The following MAGT1 variants were observed in gnomAD, a reference collection of about 807,000 sequenced individuals.
MAGT1 encodes magnesium transporter 1.
Under a neutral mutation model 28.4 loss-of-function variants are expected in MAGT1, and 4 were observed. That is an observed-to-expected ratio of 0.14 (90% confidence interval 0.07 to 0.32). MAGT1 has a LOEUF of 0.32. MAGT1 is among the 10% of genes least tolerant of loss of function. The probability of loss-of-function intolerance (pLI) is 1.00; values close to 1 mark genes in which losing one functional copy is unlikely to be tolerated. For missense variants in MAGT1, 193 were observed against 264.5 expected (o/e 0.73, Z 1.88); for synonymous variants, 89 against 89.7 (o/e 0.99, Z 0.04).
intron 1 of MAGT1, among the ~76,000 whole-genome samples, chrX:77,875,975 C>T (rs907991627): frequency 3.8e-5 from 4 of 106,386 alleles, no homozygotes; most frequent in Admixed American, 1.0e-4. Flanking sequence ...GGAATACACA[C>T]GTGTTCCACC....
At chrX:77,868,834 T>A (rs2077013645) in intron 3 of MAGT1, among the ~76,000 whole-genome samples, 1 of 110,238 alleles carries the variant, frequency 9.1e-6, no homozygotes, top group Non-Finnish European at 1.9e-5. Flanking sequence ...AAACAAAAAA[T>A]AGTTGTGAGA....
intron 8 of MAGT1, among the ~76,000 whole-genome samples, chrX:77,835,816 A>G (rs1271022167): frequency 9.0e-6 from 1 of 110,841 alleles, no homozygotes; most frequent in Non-Finnish European, 1.9e-5. Flanking sequence ...CATTATTATT[A>G]TTGTTGAGAT....
chrX:77,879,103 C>A (rs2077044069), intron 1 of MAGT1, among the ~76,000 whole-genome samples: 1 of 111,498 alleles, frequency 9.0e-6, no homozygotes, highest in Non-Finnish European at 1.9e-5. Flanking sequence ...GTCACCCAGA[C>A]TAGAGTGCAG....
intron 7 of MAGT1, among the ~76,000 whole-genome samples, chrX:77,843,969 G>C (rs1452131361): frequency 3.6e-5 from 4 of 111,841 alleles, no homozygotes; most frequent in Non-Finnish European, 7.5e-5. Context: ...CATAAAATGA[G>C]TCAAGGAGGA....
intron 1 of MAGT1, among the ~76,000 whole-genome samples, chrX:77,880,928 A>G (rs1424869213): frequency 1.0e-5 from 1 of 98,118 alleles, no homozygotes; most frequent in Non-Finnish European, 2.0e-5. Context: ...ACTGTACTCC[A>G]GCCTGGGCAA....
chrX:77,878,465 T>C (rs1603363995), intron 1 of MAGT1, among the ~76,000 whole-genome samples: 1 of 68,197 alleles, frequency 1.5e-5, no homozygotes, highest in Admixed American at 2.1e-4. Flanking sequence ...AGAGTAAGAC[T>C]CTGTCTCCAA....
rs567953931 is a variant in MAGT1, at chrX:77,847,712, G to T, written c.826+6189C>A. Reference sequence around the variant, plus strand: ...TGCAACCTCTGCCTCCCGGGTTCAAGAAATTCTCCTGCCTCCGTCTCCTGA... The same window carrying T: ...TGCAACCTCTGCCTCCCGGGTTCAATAAATTCTCCTGCCTCCGTCTCCTGA... On this transcript the variant is annotated intron_variant, in intron 7 of 9. Coordinates refer to ENST00000618282, the MANE Select transcript of MAGT1 (RefSeq NM_001367916.1). 5.6e-5 allele frequency among the ~76,000 whole-genome samples: 6 copies of T among 106,699 alleles called. No individual in the cohort carries two copies. In the South Asian group the frequency reaches 2.5e-3, roughly 45 times the overall value. The allele number at this position is 106,699 out of a possible 115,157, so 92.7% of individuals were successfully genotyped here.
At chrX:77,890,757 T>A (rs1224687272) in intron 1 of MAGT1, among the ~76,000 whole-genome samples, 3 of 111,925 alleles carry the variant, frequency 2.7e-5, no homozygotes, top group African/African-American at 9.7e-5. Context: ...ACATCCCTCA[T>A]CTCATTTAAT....
chrX:77,855,655 G>T, intron 5 of MAGT1, 65 bp from the exon 6 acceptor site: 1 of 856,438 alleles, frequency 1.2e-6, no homozygotes, highest in Non-Finnish European at 1.7e-6. Flanking sequence ...TAGATAACAG[G>T]AATATGAAAA....
chrX:77,835,827 G>A (rs782052668), intron 8 of MAGT1, among the ~76,000 whole-genome samples: 1 of 111,013 alleles, frequency 9.0e-6, no homozygotes, highest in East Asian at 2.8e-4. Context: ...TTGTTGAGAT[G>A]GAGTCTCGCT....
chrX:77,832,850 GA>G (rs2076903081), intron 8 of MAGT1, among the ~76,000 whole-genome samples: 1 of 57,417 alleles, frequency 1.7e-5, no homozygotes, highest in Admixed American at 2.0e-4. Flanking sequence ...AAAAAAAAAA[GA>G]AAAGAAAAGA....
chrX:77,834,079 G>A (rs1390117214), intron 8 of MAGT1, among the ~76,000 whole-genome samples: 1 of 106,839 alleles, frequency 9.4e-6, no homozygotes, highest in East Asian at 3.0e-4. Flanking sequence ...GATATCCATA[G>A]GCAGAACAAA....
chrX:77,833,350 ATATTATTC>A (rs1225030255), intron 8 of MAGT1, among the ~76,000 whole-genome samples: 5 of 112,480 alleles, frequency 4.4e-5, no homozygotes, highest in Non-Finnish European at 5.6e-5. Flanking sequence ...GTATATTAGT[ATATTATTC>A]TATTTACAGC....
At chrX:77,831,594 CTTT>C (rs67369107) in intron 8 of MAGT1, among the ~76,000 whole-genome samples, 22 of 91,273 alleles carry the variant, frequency 2.4e-4, no homozygotes, top group Admixed American at 5.0e-4. Flanking sequence ...TTTTGGTTTT[CTTT>C]TTTTTTTTTT....
chrX:77,839,577 G>A (rs1183322671), intron 8 of MAGT1, among the ~76,000 whole-genome samples: 2 of 103,819 alleles, frequency 1.9e-5, no homozygotes, highest in Admixed American at 1.1e-4. Context: ...GCGTGATCTC[G>A]GCTCGCTGCA....
Position 77,828,849 on chromosome X carries a change from A to G in MAGT1, c.*371T>C, listed in dbSNP as rs1451776244. On this transcript the variant is annotated 3_prime_UTR_variant, in exon 10 of 10. Transcript: ENST00000618282. Reference sequence around the variant, plus strand: ...CACCTGGTCAGGACTTACTTTCCCCATCTTTGGATAAGGCAATATAAAATC... The same window carrying G: ...CACCTGGTCAGGACTTACTTTCCCCGTCTTTGGATAAGGCAATATAAAATC... The G allele has an allele frequency of 6.5e-6, 1 of 152,891 alleles. No individual in the cohort carries two copies. Among genetic ancestry groups the G allele is most frequent in the African/African-American group, 3.1e-5 (1 of 32,030 alleles). The allele number at this position is 152,891 out of a possible 1,213,427, so 12.6% of individuals were successfully genotyped here.
At chrX:77,880,100 A>C (rs782472707) in intron 1 of MAGT1, among the ~76,000 whole-genome samples, 1 of 105,592 alleles carries the variant, frequency 9.5e-6, no homozygotes, top group Admixed American at 1.0e-4. Flanking sequence ...CAGCCTCCCA[A>C]AGTGCTGGGA....
Position 77,855,606 on chromosome X carries a change from A to G in MAGT1, c.673-16T>C, listed in dbSNP as rs140957691. On this transcript the variant is annotated splice_polypyrimidine_tract_variant and intron_variant, in intron 5 of 9. Transcript: ENST00000618282. ...GCACAAAACACTAGGAAACAAAAAA[A>G]TAATAAAATATTCATGGTCAAACTG... The G allele has an allele frequency of 5.7e-3, 6,229 of 1,100,476 alleles. 246 individuals are homozygous for G. In the African/African-American group the frequency reaches 0.1, roughly 18 times the overall value. The allele number at this position is 1,100,476 out of a possible 1,213,427, so 90.7% of individuals were successfully genotyped here.
At chrX:77,868,503 G>T (rs1226119184) in intron 3 of MAGT1, 2 of 151,902 alleles carry the variant, frequency 1.3e-5, no homozygotes, top group Non-Finnish European at 2.6e-5. Flanking sequence ...CAGGCGTGGT[G>T]GTGGGCACCT....
Sources: allele counts gnomAD v4.1 joint callset (sites outside exome capture counted in the v4.1 genomes callset), GRCh38; gene constraint gnomAD v4.1.1; transcripts MANE v1.5; gene names NCBI Gene and HGNC (gene_info 2026-07-23, HGNC 2026-07-21).